The following USO1 variants were observed in gnomAD, a reference collection of about 807,000 sequenced individuals.
The protein encoded by USO1 is USO1 vesicle transport factor.
USO1 carries 57 observed loss-of-function variants against 124.5 expected under a neutral mutation model. That is an observed-to-expected ratio of 0.46 (90% confidence interval 0.37 to 0.57). The LOEUF (loss-of-function observed/expected upper bound fraction) is 0.57. USO1 is among the 20% of genes least tolerant of loss of function. USO1 has a pLI of 0.00. For missense variants in USO1, 900 were observed against 1,040.6 expected, an observed-to-expected ratio of 0.86 and a Z score of 1.86; for synonymous variants, 369 against 362.8, an observed-to-expected ratio of 1.02 and a Z score of -0.19.
chr4:75,787,007 C>T (rs1722380178), intron 9 of USO1, 55 bp from the exon 10 acceptor site: 6 of 1,502,672 alleles, frequency 4.0e-6, no homozygotes, highest in Admixed American at 4.6e-5. Context: ...TCAGATTTGC[C>T]TCAAGCCTTT....
intron 1 of USO1, among the ~76,000 whole-genome samples, chr4:75,742,079 G>A (rs1720979159): frequency 6.6e-6 from 1 of 152,158 alleles, no homozygotes; most frequent in African/African-American, 2.4e-5. Flanking sequence ...ACTTCTTGAA[G>A]GACCTGCCTG....
In USO1 at chr4:75,813,248, G is replaced by A; in HGVS notation, c.2842G>A (p.Glu948Lys). Residue 948 changes from glutamate (E) to lysine (K), a missense_variant, in exon 24 of 24, where the codon GAG becomes AAG. Physicochemically the swap from Glu to Lys is moderately conservative, Grantham distance 56. Coordinates refer to ENST00000514213, the MANE Select transcript of USO1 (RefSeq NM_003715.4). The stretch of plus-strand genomic sequence containing the variant: ...ACTTGAATCTGGAGACCAAGAGGAT[G>A]AGGATGATGAAAGTGAAGATCCTGG... ...DELESGDQED[E>K]DDESEDPGKD... 6.2e-7 allele frequency: 1 copy of A among 1,611,482 alleles called. No individual in the cohort carries two copies. The highest frequency in any genetic ancestry group is 8.5e-7 in the Non-Finnish European group (1 of 1,179,150).
intron 5 of USO1, 139 bp from the exon 6 acceptor site, chr4:75,770,683 A>G: frequency 6.9e-7 from 1 of 1,449,560 alleles, no homozygotes; most frequent in Non-Finnish European, 9.1e-7. Context: ...TGGATGTTTC[A>G]AGAACTATGT....
Position 75,757,270 on chromosome 4 carries a change from G to A in USO1, c.219-227G>A, listed in dbSNP as rs561504547. Among the ~76,000 whole-genome samples the A allele has an allele frequency of 2.0e-5, 3 of 152,126 alleles. No homozygotes were observed. In the East Asian group the frequency reaches 5.8e-4, roughly 29 times the overall value. On this transcript the variant is annotated intron_variant, in intron 3 of 23. Coordinates refer to ENST00000514213, the MANE Select transcript of USO1 (RefSeq NM_003715.4). ...CATTTTTTAAATTGCCGCCTTATAT[G>A]TATGAATTTGCCATACTGTGTTTTT...
At chr4:75,746,832 G>A (rs1308987255) in intron 1 of USO1, among the ~76,000 whole-genome samples, 1 of 152,108 alleles carries the variant, frequency 6.6e-6, no homozygotes, top group Admixed American at 6.6e-5. Flanking sequence ...TAATTATTTA[G>A]TACCTCGCTC....
intron 1 of USO1, among the ~76,000 whole-genome samples, chr4:75,739,462 G>A (rs1163513473): frequency 6.6e-6 from 1 of 151,082 alleles, no homozygotes; most frequent in African/African-American, 2.4e-5. Flanking sequence ...TCTTGTTTCA[G>A]TTCTCATGCT....
chr4:75,783,128 T>C (rs1357186160), intron 9 of USO1, among the ~76,000 whole-genome samples: 1 of 152,204 alleles, frequency 6.6e-6, no homozygotes, highest in African/African-American at 2.4e-5. Context: ...GACATACAGT[T>C]TCCTGATGGG....
intron 8 of USO1, among the ~76,000 whole-genome samples, chr4:75,780,588 A>G (rs1269784067): frequency 1.4e-5 from 2 of 142,498 alleles, no homozygotes; most frequent in African/African-American, 5.3e-5. Flanking sequence ...TTGTTTTCAT[A>G]CTGTTAACAC....
intron 4 of USO1, among the ~76,000 whole-genome samples, chr4:75,768,774 T>A (rs1320101154): frequency 1.3e-5 from 2 of 152,246 alleles, no homozygotes; most frequent in East Asian, 1.9e-4. Context: ...GTTTTTGTAG[T>A]TGCACTTTGT....
rs1357790629 is a variant in USO1, at chr4:75,749,744, CTA to C, written c.67-2627_67-2626del. On this transcript the variant is annotated intron_variant, in intron 1 of 23. Coordinates refer to ENST00000514213, the MANE Select transcript of USO1 (RefSeq NM_003715.4). ...AGAAAGGACCCAAGTGTTTTTTAAA[CTA>C]TGTTCTTTTTTTTTTTTTTCTCCCG... Among the ~76,000 whole-genome samples, 17 of 148,810 alleles carry C rather than the reference CTA, an allele frequency of 1.1e-4. No individual in the cohort carries two copies. In the East Asian group the frequency reaches 3.4e-3, roughly 30 times the overall value.
Position 75,732,970 on chromosome 4 carries a change from C to T in USO1, c.66+8085C>T, listed in dbSNP as rs565509058. On this transcript the variant is annotated intron_variant, in intron 1 of 23. Coordinates refer to ENST00000514213, the MANE Select transcript of USO1 (RefSeq NM_003715.4). ...AAGGTAAGGTTATATCATAAAATCA[C>T]GTCTGTAGGGCCGGGTGCGGTGGCT... Among the ~76,000 whole-genome samples the T allele has an allele frequency of 1.6e-4, 23 of 141,138 alleles. 1 individual carries two copies. In the South Asian group the frequency reaches 5.0e-3, roughly 31 times the overall value. 92.6% of individuals were successfully genotyped at this position (141,138 alleles called of 152,430 possible).
intron 8 of USO1, 106 bp from the exon 9 acceptor site, chr4:75,782,574 T>C (rs1169892118): frequency 7.9e-6 from 11 of 1,397,842 alleles, no homozygotes; most frequent in Non-Finnish European, 9.4e-6. Context: ...TGCCTGGCCA[T>C]ATTGAAGAGA....
intron 1 of USO1, among the ~76,000 whole-genome samples, chr4:75,741,584 A>C: frequency 6.7e-6 from 1 of 149,326 alleles, no homozygotes; most frequent in African/African-American, 2.5e-5. Flanking sequence ...CCTATTTTAA[A>C]ATTTTTACTT....
At chr4:75,777,603 T>C (rs532471784) in intron 8 of USO1, among the ~76,000 whole-genome samples, 1 of 152,304 alleles carries the variant, frequency 6.6e-6, no homozygotes, top group African/African-American at 2.4e-5. Flanking sequence ...CTCAACATTA[T>C]ATATCACTAG....
chr4:75,750,516 G>A (rs1480822594), intron 1 of USO1, among the ~76,000 whole-genome samples: 1 of 151,680 alleles, frequency 6.6e-6, no homozygotes, highest in African/African-American at 2.4e-5. Flanking sequence ...ACAGGGTCTC[G>A]CTCTGTCAAC....
At chr4:75,726,281 C>CAAAA (rs1182405273) in intron 1 of USO1, among the ~76,000 whole-genome samples, 3 of 75,486 alleles carry the variant, frequency 4.0e-5, no homozygotes, top group Admixed American at 1.6e-4. Context: ...AACTCTGTCT[C>CAAAA]AAAAAAAAAA....
chr4:75,810,393 T>C, intron 21 of USO1, 39 bp from the exon 22 acceptor site: 1 of 1,548,496 alleles, frequency 6.5e-7, no homozygotes, highest in Non-Finnish European at 8.7e-7. Flanking sequence ...TTGATTGTAA[T>C]GTTTAAGAGA....
At chr4:75,735,357 C>G (rs1425583622) in intron 1 of USO1, among the ~76,000 whole-genome samples, 1 of 152,072 alleles carries the variant, frequency 6.6e-6, no homozygotes, top group Non-Finnish European at 1.5e-5. Context: ...TTGGGTTTTC[C>G]AGGTTTAGAA....
Position 75,771,191 on chromosome 4 carries a change from C to T in USO1, c.555+54C>T. On this transcript the variant is annotated intron_variant, in intron 7 of 23. Coordinates refer to ENST00000514213, the MANE Select transcript of USO1 (RefSeq NM_003715.4). Reference sequence around the variant, plus strand: ...AAATATGTGGCTTTTTTTTCTCTTGCAAATGAAATCCTTGTTGTTGAGTTT... The same window carrying T: ...AAATATGTGGCTTTTTTTTCTCTTGTAAATGAAATCCTTGTTGTTGAGTTT... 1.3e-6 allele frequency: 2 copies of T among 1,523,596 alleles called. No individual in the cohort carries two copies. Among genetic ancestry groups the T allele is most frequent in the Non-Finnish European group, 1.8e-6 (2 of 1,134,240 alleles). 94.4% of individuals were successfully genotyped at this position (1,523,596 alleles called of 1,614,324 possible). A position where few individuals can be genotyped will look rare whatever the true frequency, so the allele number is the denominator to read the frequency against.
Sources: gnomAD v4.1 joint callset for allele counts (sites outside exome capture counted in the v4.1 genomes callset) on GRCh38, gnomAD v4.1.1 for gene constraint, MANE v1.5 for transcripts, NCBI Gene and HGNC (gene_info 2026-07-23, HGNC 2026-07-21) for gene names.